The following NAALADL2 variants were observed in gnomAD, a reference collection of about 807,000 sequenced individuals.
NAALADL2 encodes the protein N-acetylated alpha-linked acidic dipeptidase like 2, also known as inactive N-acetylated-alpha-linked acidic dipeptidase-like protein 2.
A neutral mutation model predicts 87.2 loss-of-function variants in NAALADL2; 76 were observed. That is an observed-to-expected ratio of 0.87 (90% CI 0.72 to 1.05). NAALADL2 has a LOEUF of 1.05. NAALADL2 is among the 50% of genes least tolerant of loss of function. The probability of loss-of-function intolerance (pLI) is 0.00; values close to 1 mark genes in which losing one functional copy is unlikely to be tolerated. For synonymous variants in NAALADL2, 354 were observed against 331.0 expected, an observed-to-expected ratio of 1.07 and a Z score of -0.75; for missense variants, 1,089 against 945.8, an observed-to-expected ratio of 1.15 and a Z score of -1.99.
intron 5 of NAALADL2, among the ~76,000 whole-genome samples, chr3:175,351,179 C>T (rs962528699): frequency 6.6e-6 from 1 of 151,956 alleles, no homozygotes; most frequent in Admixed American, 6.6e-5. Context: ...TAATTATTGG[C>T]TTCAACACAG....
intron 3 of NAALADL2, among the ~76,000 whole-genome samples, chr3:174,835,990 C>T (rs1178758490): frequency 6.6e-6 from 1 of 152,132 alleles, no homozygotes; most frequent in East Asian, 1.9e-4. Context: ...AAAGGTTTTA[C>T]TTCTGGTTAT....
intron 2 of NAALADL2, among the ~76,000 whole-genome samples, chr3:175,119,057 ACG>A (rs200379347): frequency 0.011 from 1,078 of 96,804 alleles, 12 homozygotes; most frequent in African/African-American, 0.044. Context: ...TTGCATTTAT[ACG>A]TTTTTTTTTT....
In NAALADL2 at chr3:175,809,085, A is replaced by G. The variant is rs1754944707; in HGVS notation, c.*5882A>G. On this transcript the variant is annotated 3_prime_UTR_variant, in exon 14 of 14. Transcript: ENST00000454872. ...ATTAAAAATTTTTGTTTACTTATAT[A>G]TCAAGCTGCTGCAAATGGACTACCT... 3.3e-5 allele frequency: 5 copies of G among 152,094 alleles called. No individual in the cohort carries two copies. The South Asian group carries it at 8.3e-4, about 25-fold the overall frequency. 9.4% of individuals were successfully genotyped at this position (152,094 alleles called of 1,614,324 possible).
chr3:175,451,375 C>T (rs879635950), intron 6 of NAALADL2, among the ~76,000 whole-genome samples: 5 of 151,942 alleles, frequency 3.3e-5, no homozygotes, highest in Admixed American at 2.6e-4. Flanking sequence ...AAAAAAGTTC[C>T]TCCTTAAATA....
At chr3:174,783,221 T>C (rs1716205582) in intron 3 of NAALADL2, among the ~76,000 whole-genome samples, 1 of 152,148 alleles carries the variant, frequency 6.6e-6, no homozygotes, top group Admixed American at 6.6e-5. Flanking sequence ...GAAAATATAG[T>C]TTGTGTGATT....
chr3:175,294,756 C>G (rs907743547), intron 4 of NAALADL2, among the ~76,000 whole-genome samples: 2 of 152,184 alleles, frequency 1.3e-5, no homozygotes, highest in Non-Finnish European at 2.9e-5. Flanking sequence ...CAAAGGAGCA[C>G]AAACAAGGAC....
rs953132663 is a variant in NAALADL2 at position 175,020,939 on chromosome 3, T to A, written c.44-75851T>A. Among the ~76,000 whole-genome samples, 3 of 152,080 alleles carry A rather than the reference T, an allele frequency of 2.0e-5. No individual in the cohort carries two copies. In the East Asian group the frequency reaches 5.8e-4, roughly 29 times the overall value. ...GGGAAGCTTGGTTTGCAATAGCATA[T>A]TCAAAATTATAATGCATTTTGTCTT... On this transcript the variant is annotated intron_variant, in intron 1 of 13. Coordinates refer to ENST00000454872, the MANE Select transcript of NAALADL2 (RefSeq NM_207015.3).
rs75681159 is a variant in NAALADL2, at chr3:175,377,019, T to A, written c.1090+52694T>A. ...CTGGCCTTCTTTTAAAAAAAAAAAA[T>A]TATTGAATTTAGGCCAGATGCAGTG... On this transcript the variant is annotated intron_variant, in intron 5 of 13. Transcript: ENST00000454872. 3.6e-3 allele frequency among the ~76,000 whole-genome samples: 235 copies of A among 65,846 alleles called. 1 individual carries two copies. The highest frequency in any genetic ancestry group is 0.012 in the African/African-American group (194 of 16,118). The allele number at this position is 65,846 out of a possible 152,430, so 43.2% of individuals were successfully genotyped here.
chr3:174,461,865 ATTG>A (rs1416990732), intron 1 of NAALADL2, among the ~76,000 whole-genome samples: 1 of 151,902 alleles, frequency 6.6e-6, no homozygotes, highest in Non-Finnish European at 1.5e-5. Context: ...GTGTGAGTTT[ATTG>A]TTCTTCAAAT....
intron 2 of NAALADL2, among the ~76,000 whole-genome samples, chr3:174,588,117 C>T (rs1468808784): frequency 6.9e-6 from 1 of 144,742 alleles, no homozygotes; most frequent in Non-Finnish European, 1.5e-5. Flanking sequence ...TCATTTCATT[C>T]ATTTGATCTT....
At chr3:174,890,185 AAAAG>A (rs1479887277) in intron 1 of NAALADL2, among the ~76,000 whole-genome samples, 2 of 96,234 alleles carry the variant, frequency 2.1e-5, no homozygotes, top group African/African-American at 7.6e-5. Context: ...GTAATAAAGA[AAAAG>A]AAATTTCTGC....
intron 1 of NAALADL2, among the ~76,000 whole-genome samples, chr3:174,492,732 AC>A (rs1170970730): frequency 1.3e-5 from 2 of 152,242 alleles, no homozygotes; most frequent in African/African-American, 4.8e-5. Flanking sequence ...TTTCTAGATC[AC>A]TTCCAACAGT....
chr3:175,727,917 A>G (rs1743150038), intron 11 of NAALADL2, among the ~76,000 whole-genome samples: 1 of 152,130 alleles, frequency 6.6e-6, no homozygotes, highest in African/African-American at 2.4e-5. Context: ...TGGGGCTGTC[A>G]TGGTGGCTCT....
chr3:174,748,590 A>G (rs907551982), intron 3 of NAALADL2, among the ~76,000 whole-genome samples: 1 of 152,156 alleles, frequency 6.6e-6, no homozygotes, highest in African/African-American at 2.4e-5. Context: ...AGACTAATAC[A>G]ATGAGCAAAG....
At chr3:174,651,735 C>T (rs755728582) in intron 2 of NAALADL2, among the ~76,000 whole-genome samples, 4 of 152,110 alleles carry the variant, frequency 2.6e-5, no homozygotes, top group Non-Finnish European at 5.9e-5. Context: ...AAATCATAGG[C>T]AAAGAGCACA....
At chr3:174,745,216 A>G (rs1349760972) in intron 3 of NAALADL2, among the ~76,000 whole-genome samples, 1 of 152,112 alleles carries the variant, frequency 6.6e-6, no homozygotes, top group Non-Finnish European at 1.5e-5. Flanking sequence ...AAAGTAGAAA[A>G]GAGAGAAGAA....
At chr3:174,840,013 A>G (rs1412353649) in intron 3 of NAALADL2, among the ~76,000 whole-genome samples, 1 of 152,074 alleles carries the variant, frequency 6.6e-6, no homozygotes, top group African/African-American at 2.4e-5. Flanking sequence ...ATCTACCCAG[A>G]GGAAAATAAG....
At chr3:175,350,806 ATGTGTT>A (rs1413459804) in intron 5 of NAALADL2, among the ~76,000 whole-genome samples, 1 of 152,142 alleles carries the variant, frequency 6.6e-6, no homozygotes, top group Non-Finnish European at 1.5e-5. Flanking sequence ...CTCTGGGGAA[ATGTGTT>A]TGTGTGTTTG....
Position 175,806,468 on chromosome 3 carries a change from A to C in NAALADL2, c.*3265A>C, listed in dbSNP as rs1754711492. On this transcript the variant is annotated 3_prime_UTR_variant, in exon 14 of 14. Coordinates refer to ENST00000454872, the MANE Select transcript of NAALADL2 (RefSeq NM_207015.3). ...CACACACTGAAGTTTAAGAATTTCC[A>C]ATCTACGTTAATCGTAGTTTCCAAG... 1.3e-5 allele frequency: 2 copies of C among 151,926 alleles called. No homozygotes were observed. Among genetic ancestry groups the C allele is most frequent in the Admixed American group, 6.6e-5 (1 of 15,196 alleles). The allele number at this position is 151,926 out of a possible 1,614,324, so 9.4% of individuals were successfully genotyped here.
Sources: allele counts gnomAD v4.1 joint callset (sites outside exome capture counted in the v4.1 genomes callset), GRCh38; gene constraint gnomAD v4.1.1; transcripts MANE v1.5; gene names NCBI Gene and HGNC (gene_info 2026-07-23, HGNC 2026-07-21).